LIG1: variants seen among roughly 807,000 people sequenced by gnomAD.
LIG1 encodes the protein DNA ligase 1.
In LIG1, 70 loss-of-function variants were observed where a neutral mutation model predicts 115.7. The observed-to-expected ratio is 0.60, with a 90% CI of 0.50 to 0.74. The LOEUF is 0.74. LIG1 is among the 30% of genes least tolerant of loss of function. The probability of loss-of-function intolerance (pLI) is 0.00; values close to 1 mark genes in which losing one functional copy is unlikely to be tolerated. For missense variants in LIG1, 1,115 were observed against 1,225.6 expected, an observed-to-expected ratio of 0.91 and a Z score of 1.35; for synonymous variants, 487 against 495.3, an observed-to-expected ratio of 0.98 and a Z score of 0.22.
chr19:48,159,195 A>G (rs1268654213), intron 4 of LIG1, among the ~76,000 whole-genome samples: 2 of 151,634 alleles, frequency 1.3e-5, no homozygotes. Flanking sequence ...CTCCTGCCTC[A>G]GCCTCCCAAG....
intron 9 of LIG1, among the ~76,000 whole-genome samples, chr19:48,149,439 C>T (rs977363701): frequency 6.6e-6 from 1 of 152,164 alleles, no homozygotes; most frequent in Non-Finnish European, 1.5e-5. Flanking sequence ...GCAGAGTCAA[C>T]TCTGGGTGTT....
Position 48,143,867 on chromosome 19 carries a change from A to C in LIG1, c.857+16T>G, listed in dbSNP as rs752258913. The C allele has an allele frequency of 6.2e-6, 10 of 1,605,748 alleles. No homozygotes were observed. In the South Asian group the frequency reaches 1.1e-4, roughly 18 times the overall value. ...AGGGACCGGAGGGGGACAGTCTGAAAAGGGAGAAACCTCACTTCTGGCCCG... is the reference window on the plus strand; with the variant it reads ...AGGGACCGGAGGGGGACAGTCTGAACAGGGAGAAACCTCACTTCTGGCCCG... On this transcript the variant is annotated intron_variant, in intron 10 of 27. Transcript: ENST00000263274.
At chr19:48,154,907 A>C (rs780278445) in intron 5 of LIG1, among the ~76,000 whole-genome samples, 38 of 151,868 alleles carry the variant, frequency 2.5e-4, no homozygotes, top group Admixed American at 5.2e-4. Flanking sequence ...GATCCTACCT[A>C]ATCTCTCTCC....
chr19:48,130,985 G>T, intron 19 of LIG1, 91 bp downstream of exon 19: 2 of 1,007,694 alleles, frequency 2.0e-6, no homozygotes, highest in Admixed American at 1.8e-5. Context: ...AATAAACCCC[G>T]CACTGTGCCA....
At chr19:48,138,010 C>T in intron 12 of LIG1, 1 of 451,830 alleles carries the variant, frequency 2.2e-6, no homozygotes, top group Non-Finnish European at 4.1e-6. Context: ...GGGACAAGGT[C>T]ACTAGGGAAG....
Position 48,120,836 on chromosome 19 carries a change from G to A in LIG1, c.2385+334C>T, listed in dbSNP as rs2033212871. The stretch of plus-strand genomic sequence containing the variant: ...GGGACAAAAAAAAATGTGGGGAGAG[G>A]AGGAACCTGAATCCCTAATGGCATC... On this transcript the variant is annotated intron_variant, in intron 24 of 27. Transcript: ENST00000263274. 6 of 730,934 alleles carry A rather than the reference G, an allele frequency of 8.2e-6. No homozygotes were observed. The Admixed American group carries it at 1.6e-4, about 19-fold the overall frequency. The allele number at this position is 730,934 out of a possible 1,614,324, so 45.3% of individuals were successfully genotyped here.
At chr19:48,167,826 A>T (rs1200175596) in intron 1 of LIG1, among the ~76,000 whole-genome samples, 1 of 121,538 alleles carries the variant, frequency 8.2e-6, no homozygotes, top group African/African-American at 3.9e-5. Flanking sequence ...ACCCCGTCTT[A>T]AAAAAAAAAA....
At chr19:48,159,118 T>C (rs1041896404) in intron 4 of LIG1, among the ~76,000 whole-genome samples, 2 of 151,848 alleles carry the variant, frequency 1.3e-5, no homozygotes, top group Admixed American at 6.6e-5. Flanking sequence ...TGCCCTGTTG[T>C]TCAGGCTGGA....
At chr19:48,119,734 G>A (rs576380295) in intron 24 of LIG1, among the ~76,000 whole-genome samples, 134 of 151,698 alleles carry the variant, frequency 8.8e-4, no homozygotes, top group Non-Finnish European at 1.5e-3. Context: ...GTAGAGGTGG[G>A]GTCTCACTAT....
chr19:48,131,002 C>T, intron 19 of LIG1, 74 bp downstream of exon 19: 1 of 1,213,070 alleles, frequency 8.2e-7, no homozygotes, highest in East Asian at 2.3e-5. Flanking sequence ...GCCACACTGG[C>T]CTAGATGGGC....
chr19:48,120,910 T>C (rs1300500704), intron 24 of LIG1: 1 of 1,306,288 alleles, frequency 7.7e-7, no homozygotes. Context: ...AATTCTTTTC[T>C]TATGTGAGCC....
intron 2 of LIG1, among the ~76,000 whole-genome samples, chr19:48,163,481 C>T: frequency 6.6e-6 from 1 of 151,966 alleles, no homozygotes; most frequent in East Asian, 1.9e-4. Context: ...TCCCAAAGTG[C>T]TGGGATTACA....
At chr19:48,170,098 C>G (rs892116780) in intron 1 of LIG1, 143 bp downstream of exon 1, 6 of 418,344 alleles carry the variant, frequency 1.4e-5, no homozygotes, top group African/African-American at 8.4e-5. Flanking sequence ...CGCGCTCTTC[C>G]GTCTCCACCG....
At chr19:48,127,564 C>CCT in intron 20 of LIG1, 1 of 615,832 alleles carries the variant, frequency 1.6e-6, no homozygotes. Flanking sequence ...TATTTGCTCT[C>CCT]CTAGACTTTT....
chr19:48,130,395 G>T (rs1308726034), intron 19 of LIG1, among the ~76,000 whole-genome samples: 1 of 152,310 alleles, frequency 6.6e-6, no homozygotes, highest in East Asian at 1.9e-4. Context: ...GGGACTCCTC[G>T]AACAGGCACG....
rs367972390 is a variant in LIG1, at chr19:48,117,662, G to A, written c.2559C>T (p.Pro853=). Residue 853 remains proline, a synonymous_variant, in exon 26 of 28, where the codon CCC becomes CCT. Coordinates refer to ENST00000263274, the MANE Select transcript of LIG1 (RefSeq NM_000234.3). The part of the protein sequence containing the change: ...EVKCADLSLS[P]IYPAARGLVD... ...CCAGGCCCCGCGCAGCAGGGTAGAT[G>A]GGAGAGAGGGAGAGGTCAGCGCACT... 1.8e-5 allele frequency: 29 copies of A among 1,612,588 alleles called. No individual in the cohort carries two copies. The African/African-American group carries it at 1.9e-4, about 10-fold the overall frequency.
intron 6 of LIG1, among the ~76,000 whole-genome samples, chr19:48,152,946 C>T (rs565632100): frequency 6.6e-6 from 1 of 152,196 alleles, no homozygotes; most frequent in South Asian, 2.1e-4. Flanking sequence ...CCTGTAATCC[C>T]AGGGCTTTGT....
intron 9 of LIG1, among the ~76,000 whole-genome samples, chr19:48,146,368 G>A (rs1446049591): frequency 6.6e-6 from 1 of 152,218 alleles, no homozygotes; most frequent in Non-Finnish European, 1.5e-5. Flanking sequence ...CAGCAGAAAG[G>A]ACAGGTGGGT....
intron 12 of LIG1, among the ~76,000 whole-genome samples, chr19:48,138,088 G>C (rs1568508240): frequency 6.6e-6 from 1 of 152,172 alleles, no homozygotes; most frequent in Admixed American, 6.5e-5. Flanking sequence ...ATCTCTGGCA[G>C]TGACCAAAGA....
Sources: allele counts gnomAD v4.1 joint callset (sites outside exome capture counted in the v4.1 genomes callset), GRCh38; gene constraint gnomAD v4.1.1; transcripts MANE v1.5; gene names NCBI Gene and HGNC (gene_info 2026-07-23, HGNC 2026-07-21).